Variants in SLC25A21 observed in about 807,000 individuals in gnomAD.
The protein encoded by SLC25A21 is mitochondrial 2-oxodicarboxylate carrier.
SLC25A21 carries 47 observed loss-of-function variants against 43.8 expected under a neutral mutation model. That is an observed-to-expected ratio of 1.07 (90% confidence interval 0.85 to 1.37). The LOEUF is 1.37. Among genes scored for constraint, SLC25A21 ranks in the 40% most tolerant of loss-of-function variants. The pLI is 0.00. For synonymous variants in SLC25A21, 131 were observed against 121.3 expected, an observed-to-expected ratio of 1.08 and a Z score of -0.52; for missense variants, 352 against 350.2, an observed-to-expected ratio of 1.00 and a Z score of -0.04.
chr14:36,814,616 G>GA, intron 2 of SLC25A21, among the ~76,000 whole-genome samples: 1 of 152,274 alleles, frequency 6.6e-6, no homozygotes, highest in Admixed American at 6.5e-5. Context: ...AAACCACAAT[G>GA]AGATACCATT....
chr14:37,005,623 T>C (rs933572516), intron 1 of SLC25A21, among the ~76,000 whole-genome samples: 2 of 152,200 alleles, frequency 1.3e-5, no homozygotes, highest in African/African-American at 4.8e-5. Flanking sequence ...ATTTGTTTTA[T>C]GTACATCTTG....
At chr14:36,750,971 T>G (rs911648900) in intron 3 of SLC25A21, among the ~76,000 whole-genome samples, 1 of 152,176 alleles carries the variant, frequency 6.6e-6, no homozygotes, top group African/African-American at 2.4e-5. Context: ...ATATTCCCAC[T>G]GGCCATGATC....
intron 3 of SLC25A21, among the ~76,000 whole-genome samples, chr14:36,767,158 T>G (rs1055225870): frequency 6.6e-6 from 1 of 152,218 alleles, no homozygotes; most frequent in African/African-American, 2.4e-5. Context: ...TCTAGCAGAC[T>G]TAAAACTCCT....
chr14:36,773,731 G>A (rs557638125), intron 3 of SLC25A21, among the ~76,000 whole-genome samples: 18 of 152,242 alleles, frequency 1.2e-4, no homozygotes, highest in South Asian at 2.1e-4. Flanking sequence ...GAGTTCTCAC[G>A]TTGTCAACAG....
At chr14:36,805,656 A>G (rs954941760) in intron 3 of SLC25A21, among the ~76,000 whole-genome samples, 2 of 150,736 alleles carry the variant, frequency 1.3e-5, no homozygotes, top group Non-Finnish European at 3.0e-5. Context: ...CTATTGAAAT[A>G]AGTCACTGCC....
intron 3 of SLC25A21, among the ~76,000 whole-genome samples, chr14:36,761,231 G>T (rs1886144633): frequency 6.6e-6 from 1 of 152,190 alleles, no homozygotes; most frequent in African/African-American, 2.4e-5. Context: ...CGGCCGGCCT[G>T]TGGGGTGCGA....
intron 3 of SLC25A21, among the ~76,000 whole-genome samples, chr14:36,800,848 T>C (rs2138419570): frequency 6.6e-6 from 1 of 152,336 alleles, no homozygotes; most frequent in Admixed American, 6.5e-5. Flanking sequence ...TTAGTTAGTT[T>C]GTCTTTTTTA....
intron 1 of SLC25A21, among the ~76,000 whole-genome samples, chr14:37,125,607 T>C (rs1055323622): frequency 1.3e-5 from 2 of 152,250 alleles, no homozygotes; most frequent in African/African-American, 4.8e-5. Flanking sequence ...TTAGATTTTA[T>C]TTAATTGTGC....
chr14:37,014,390 T>G (rs572749369), intron 1 of SLC25A21, among the ~76,000 whole-genome samples: 1 of 152,290 alleles, frequency 6.6e-6, no homozygotes, highest in Non-Finnish European at 1.5e-5. Context: ...CAGTATCTTT[T>G]CCAGGAGCAG....
intron 1 of SLC25A21, among the ~76,000 whole-genome samples, chr14:37,054,851 G>A (rs1490581460): frequency 6.6e-6 from 1 of 152,154 alleles, no homozygotes; most frequent in African/African-American, 2.4e-5. Context: ...GAATGGCTTT[G>A]GAGCAAATAT....
chr14:37,172,050 A>G (rs969110155), intron 1 of SLC25A21: 13 of 546,182 alleles, frequency 2.4e-5, no homozygotes, highest in Non-Finnish European at 3.6e-5. Context: ...GGAACCCGAG[A>G]GCGGCCGGCG....
chr14:37,038,594 T>C (rs907504873), intron 1 of SLC25A21, among the ~76,000 whole-genome samples: 16 of 152,214 alleles, frequency 1.1e-4, no homozygotes, highest in African/African-American at 3.6e-4. Flanking sequence ...TAAAAGTTTC[T>C]ATCTCCTGAT....
At chr14:36,707,516 C>T (rs774779626) in intron 7 of SLC25A21, among the ~76,000 whole-genome samples, 15 of 152,114 alleles carry the variant, frequency 9.9e-5, no homozygotes, top group African/African-American at 2.7e-4. Flanking sequence ...ATCATTAAAT[C>T]GGGGTCCTGA....
rs550976319 is a variant in SLC25A21 at position 36,734,828 on chromosome 14, G to A, written c.204-255C>T. On this transcript the variant is annotated intron_variant, in intron 3 of 9. Transcript: ENST00000331299. The stretch of plus-strand genomic sequence containing the variant: ...GCATGACCATTAGTTGTACCTTAAC[G>A]ATGAATCTGACTGTCCTTACTCTAA... Among the ~76,000 whole-genome samples the A allele has an allele frequency of 1.8e-3, 275 of 152,218 alleles. 3 individuals carry two copies. The highest frequency in any genetic ancestry group is 3.2e-3 in the Non-Finnish European group (220 of 68,020).
intron 1 of SLC25A21, among the ~76,000 whole-genome samples, chr14:37,135,665 T>C (rs1423367746): frequency 6.6e-6 from 1 of 152,240 alleles, no homozygotes; most frequent in African/African-American, 2.4e-5. Flanking sequence ...TCCTCATTAT[T>C]GATCTAACAA....
At chr14:36,855,825 G>A (rs563570917) in intron 2 of SLC25A21, among the ~76,000 whole-genome samples, 9 of 152,188 alleles carry the variant, frequency 5.9e-5, no homozygotes, top group Admixed American at 2.0e-4. Context: ...CGTATGCCTC[G>A]AACAGTTCCT....
chr14:37,146,144 G>A (rs1320223164), intron 1 of SLC25A21, among the ~76,000 whole-genome samples: 1 of 152,166 alleles, frequency 6.6e-6, no homozygotes, highest in African/African-American at 2.4e-5. Context: ...ATTAAAAATT[G>A]ATAAATAAAA....
At chr14:37,113,853 C>CAAAAA (rs34321762) in intron 1 of SLC25A21, among the ~76,000 whole-genome samples, 26 of 119,310 alleles carry the variant, frequency 2.2e-4, no homozygotes, top group African/African-American at 8.1e-4. Flanking sequence ...GACTCTGTCT[C>CAAAAA]AAAAAAAAAA....
rs1594674198 is a variant in SLC25A21, at chr14:36,893,854, A to T, written c.71-18850T>A. Among the ~76,000 whole-genome samples the T allele has an allele frequency of 2.6e-5, 4 of 152,136 alleles. No homozygotes were observed. In the South Asian group the frequency reaches 8.3e-4, roughly 32 times the overall value. On this transcript the variant is annotated intron_variant, in intron 1 of 9. Coordinates refer to ENST00000331299, the MANE Select transcript of SLC25A21 (RefSeq NM_030631.4). ...TGTCAAAGATCAGATGGTTGTAGAT[A>T]TGCAGCATTATTTCTGAGGGCTCTG...
Sources: allele counts gnomAD v4.1 joint callset (sites outside exome capture counted in the v4.1 genomes callset), GRCh38; gene constraint gnomAD v4.1.1; transcripts MANE v1.5; gene names NCBI Gene and HGNC (gene_info 2026-07-23, HGNC 2026-07-21).